The following TOR1A variants were observed in gnomAD, a reference collection of about 807,000 sequenced individuals.
The protein encoded by TOR1A is torsin-1A.
Under a neutral mutation model 31.4 loss-of-function variants are expected in TOR1A, and 18 were observed. That is an observed-to-expected ratio of 0.57 (90% CI 0.40 to 0.85). The LOEUF is 0.85. TOR1A is among the 40% of genes least tolerant of loss of function. The pLI is 0.00. For missense variants in TOR1A, 375 were observed against 416.4 expected (o/e 0.90, Z 0.87); for synonymous variants, 168 against 165.9 (o/e 1.01, Z -0.10).
chr9:129,822,474 T>C, intron 2 of TOR1A, 107 bp downstream of exon 2: 4 of 1,478,748 alleles, frequency 2.7e-6, no homozygotes, highest in Non-Finnish European at 3.7e-6. Flanking sequence ...CATGAACCGT[T>C]TTCCGGGCTC....
chr9:129,820,369 T>C (rs2031154693), intron 2 of TOR1A, among the ~76,000 whole-genome samples: 1 of 152,066 alleles, frequency 6.6e-6, no homozygotes, highest in Non-Finnish European at 1.5e-5. Flanking sequence ...ATCCACCCGC[T>C]TCGGCCTCCC....
chr9:129,823,200 T>C (rs1789632834), intron 1 of TOR1A: 1 of 377,774 alleles, frequency 2.6e-6, no homozygotes, highest in Admixed American at 3.9e-5. Flanking sequence ...TGCGGAAGAG[T>C]CCTCACCATC....
chr9:129,814,226 G>A lies in TOR1A; in HGVS notation c.749-4C>T. On this transcript the variant is annotated splice_polypyrimidine_tract_variant and splice_region_variant and intron_variant, in intron 4 of 4. Transcript: ENST00000351698. ...AAGCTGCTGTGCCAGAAGCCACCTG[G>A]GAAGAAGAAACAAGGTGCTGTTCAT... The A allele has an allele frequency of 6.2e-7, 1 of 1,614,022 alleles. No homozygotes were observed. Among genetic ancestry groups the A allele is most frequent in the Non-Finnish European group, 8.5e-7 (1 of 1,180,008 alleles).
rs1588219121 is a variant in TOR1A at position 129,823,891 on chromosome 9, C to T, written c.178+17G>A. The T allele has an allele frequency of 6.4e-7, 1 of 1,554,026 alleles. No homozygotes were observed. Among genetic ancestry groups the T allele is most frequent in the East Asian group, 2.4e-5 (1 of 41,510 alleles). ...CCCCAGCCCCAGCCCCAGCCTCCAG[C>T]CCCCGCCCCAGCCTACCCTCCCGGC... On this transcript the variant is annotated intron_variant, in intron 1 of 4. Coordinates refer to ENST00000351698, the MANE Select transcript of TOR1A (RefSeq NM_000113.3).
Position 129,814,973 on chromosome 9 carries a change from C to T in TOR1A, c.749-751G>A, listed in dbSNP as rs12342758. ...CTCCCCGTGAAGGCCTGGCCTTGGCCGTGTTTTCTCCCCTGAATGCGGGCT... is the reference window on the plus strand; with the variant it reads ...CTCCCCGTGAAGGCCTGGCCTTGGCTGTGTTTTCTCCCCTGAATGCGGGCT... On this transcript the variant is annotated intron_variant, in intron 4 of 4. Coordinates refer to ENST00000351698, the MANE Select transcript of TOR1A (RefSeq NM_000113.3). Among the ~76,000 whole-genome samples the T allele has an allele frequency of 9.1e-3, 1,385 of 152,258 alleles. 21 individuals carry two copies. The highest frequency in any genetic ancestry group is 0.032 in the African/African-American group (1,319 of 41,556).
At position 129,820,390 on chromosome 9, in the gene TOR1A, G is replaced by T. The variant is rs2031155240; in HGVS notation, c.445-1470C>A. On this transcript the variant is annotated intron_variant, in intron 2 of 4. Transcript: ENST00000351698. ...CCGCTTCGGCCTCCCAAAGTGCTGGGATTACAGGCGCGAGCCACCACACCT... is the reference window on the plus strand; with the variant it reads ...CCGCTTCGGCCTCCCAAAGTGCTGGTATTACAGGCGCGAGCCACCACACCT... 2.0e-5 allele frequency among the ~76,000 whole-genome samples: 3 copies of T among 152,210 alleles called. No homozygotes were observed. In the South Asian group the frequency reaches 6.2e-4, roughly 32 times the overall value.
intron 2 of TOR1A, among the ~76,000 whole-genome samples, chr9:129,819,690 G>A (rs1313963619): frequency 1.1e-4 from 16 of 151,912 alleles, no homozygotes; most frequent in Non-Finnish European, 1.8e-4. Context: ...CCTGGGAGGC[G>A]GAGGTTGCGG....
chr9:129,818,429 C>T, intron 4 of TOR1A, 91 bp downstream of exon 4: 2 of 1,588,082 alleles, frequency 1.3e-6, no homozygotes, highest in African/African-American at 1.3e-5. Flanking sequence ...ACCCAGCTCC[C>T]AGGTGATGCT....
chr9:129,815,185 C>T (rs970319875), intron 4 of TOR1A, among the ~76,000 whole-genome samples: 4 of 152,274 alleles, frequency 2.6e-5, no homozygotes, highest in African/African-American at 9.6e-5. Flanking sequence ...CAAGCTCCTC[C>T]TCATTCACTG....
intron 1 of TOR1A, 114 bp downstream of exon 1, chr9:129,823,794 G>A (rs1244019010): frequency 8.6e-7 from 1 of 1,164,710 alleles, no homozygotes; most frequent in African/African-American, 1.7e-5. Flanking sequence ...CCCGGCCCTG[G>A]TGCCATCCCC....
Position 129,822,689 on chromosome 9 carries a change from G to A in TOR1A, c.336C>T (p.Ser112=). 6.2e-7 allele frequency: 1 copy of A among 1,614,244 alleles called. No individual in the cohort carries two copies. Among genetic ancestry groups the A allele is most frequent in the Non-Finnish European group, 8.5e-7 (1 of 1,180,052 alleles). Residue 112 remains serine (S), a synonymous_variant, in exon 2 of 5, where the codon AGC becomes AGT. Transcript: ENST00000351698. Reference sequence around the variant, plus strand: ...CGTAAATATTCTCTGCGATGATCTTGCTGACGAAATTTTTGCCGGTGCCTG... The same window carrying A: ...CGTAAATATTCTCTGCGATGATCTTACTGACGAAATTTTTGCCGGTGCCTG... ...GWTGTGKNFV[S]KIIAENIYEG...
chr9:129,816,024 T>G (rs1191207617), intron 4 of TOR1A, among the ~76,000 whole-genome samples: 2 of 152,018 alleles, frequency 1.3e-5, no homozygotes, highest in Non-Finnish European at 2.9e-5. Context: ...CAGGCCTCTC[T>G]CTTCCACTTG....
chr9:129,822,449 C>T, intron 2 of TOR1A, 132 bp downstream of exon 2: 1 of 1,274,762 alleles, frequency 7.8e-7, no homozygotes, highest in Non-Finnish European at 1.1e-6. Flanking sequence ...TACACCTTTC[C>T]AAGGGGAACT....
intron 1 of TOR1A, 132 bp from the exon 2 acceptor site, chr9:129,822,978 G>A: frequency 1.5e-6 from 2 of 1,304,488 alleles, no homozygotes; most frequent in East Asian, 2.4e-5. Context: ...CAAGTACTGC[G>A]GTCTGTAAGC....
chr9:129,818,239 G>T, intron 4 of TOR1A: 1 of 455,538 alleles, frequency 2.2e-6, no homozygotes, highest in Non-Finnish European at 4.0e-6. Context: ...GGAGGCAGAG[G>T]TTGCAGTGAG....
rs774259802 is a variant in TOR1A at position 129,814,096 on chromosome 9, A to G, written c.875T>C (p.Ile292Thr). 2.5e-5 allele frequency: 41 copies of G among 1,614,030 alleles called. No homozygotes were observed. The highest frequency in any genetic ancestry group is 9.9e-5 in the South Asian group (9 of 91,094). ...CACTCTGCTTACAATGTCTTCATCAATTTCATAGCCTCGGGACTGCATTTC... is the reference window on the plus strand; with the variant it reads ...CACTCTGCTTACAATGTCTTCATCAGTTTCATAGCCTCGGGACTGCATTTC... The part of the protein sequence containing the change: ...RVEMQSRGYE[I>T]DEDIVSRVAE... The change falls in exon 5 of 5, where the codon ATT (isoleucine) becomes ACT (threonine). Residue 292 changes from isoleucine (I) to threonine (T), a missense_variant. Coordinates refer to ENST00000351698, the MANE Select transcript of TOR1A (RefSeq NM_000113.3).
rs1048110645 is a variant in TOR1A at position 129,812,994 on chromosome 9, A to C, written c.*978T>G. 2.0e-5 allele frequency: 3 copies of C among 152,224 alleles called. No individual in the cohort carries two copies. Among genetic ancestry groups the C allele is most frequent in the Non-Finnish European group, 4.4e-5 (3 of 68,040 alleles). 9.4% of individuals were successfully genotyped at this position (152,224 alleles called of 1,614,324 possible). ...CGGTAGCCATTTGCATTTATAAAGA[A>C]AGACACCGTTCTCAGCATCCTCAGA... is the stretch of plus-strand genomic sequence containing the variant. On this transcript the variant is annotated 3_prime_UTR_variant, in exon 5 of 5. Coordinates refer to ENST00000351698, the MANE Select transcript of TOR1A (RefSeq NM_000113.3).
At chr9:129,820,056 C>G (rs1043608586) in intron 2 of TOR1A, among the ~76,000 whole-genome samples, 1 of 152,064 alleles carries the variant, frequency 6.6e-6, no homozygotes, top group Admixed American at 6.6e-5. Context: ...GGTGACCAAA[C>G]TTATATGCAA....
At chr9:129,821,263 C>T (rs922483374) in intron 2 of TOR1A, 1 of 152,118 alleles carries the variant, frequency 6.6e-6, no homozygotes, top group African/African-American at 2.4e-5. Flanking sequence ...AGATCAAGAT[C>T]CAGATGGTGC....
Sources: allele counts gnomAD v4.1 joint callset (sites outside exome capture counted in the v4.1 genomes callset), GRCh38; gene constraint gnomAD v4.1.1; transcripts MANE v1.5; gene names NCBI Gene and HGNC (gene_info 2026-07-23, HGNC 2026-07-21).